Variants in TRPM3 observed in about 807,000 individuals in gnomAD.
The protein encoded by TRPM3 is transient receptor potential cation channel subfamily M member 3, also known as long transient receptor potential channel 3.
TRPM3 carries 77 observed loss-of-function variants against 181.2 expected under a neutral mutation model. The ratio of observed to expected loss-of-function variants is 0.42; its 90% CI spans 0.35 to 0.51. TRPM3 has a LOEUF of 0.51. Among genes scored for constraint, TRPM3 ranks in the 20% least tolerant of loss-of-function variants. TRPM3 has a pLI of 0.01. For synonymous variants in TRPM3, 745 were observed against 796.4 expected (o/e 0.94, Z 1.09); for missense variants, 1,759 against 2,196.7 (o/e 0.80, Z 3.98).
At chr9:71,320,161 C>A (rs1215806763) in intron 1 of TRPM3, among the ~76,000 whole-genome samples, 1 of 151,424 alleles carries the variant, frequency 6.6e-6, no homozygotes, top group African/African-American at 2.4e-5. Context: ...AAAAGAACAG[C>A]AATAGGGAGT....
At chr9:71,224,469 T>A (rs1468833704) in intron 1 of TRPM3, among the ~76,000 whole-genome samples, 1 of 152,148 alleles carries the variant, frequency 6.6e-6, no homozygotes, top group Non-Finnish European at 1.5e-5. Context: ...CTACAACAAG[T>A]ATCTAATTTT....
At position 70,968,453 on chromosome 9, in the gene TRPM3, C is replaced by G. The variant is rs182119647; in HGVS notation, c.178-103942G>C. Among the ~76,000 whole-genome samples, 34 of 152,210 alleles carry G rather than the reference C, an allele frequency of 2.2e-4. 1 individual carries two copies. The highest frequency in any genetic ancestry group is 7.5e-4 in the African/African-American group (31 of 41,540). On this transcript the variant is annotated intron_variant, in intron 1 of 25. Transcript: ENST00000677713. ...TGCAGATTCTCAGTTCATATCTGTC[C>G]CTGGAGTCTTACTCCACCAGCTTGT...
At chr9:70,797,731 A>G (rs1454049446) in intron 6 of TRPM3, among the ~76,000 whole-genome samples, 2 of 152,172 alleles carry the variant, frequency 1.3e-5, no homozygotes, top group Admixed American at 6.5e-5. Flanking sequence ...CACCCGGTGA[A>G]TTTGAAAAGA....
chr9:71,443,004 A>G (rs1250992525), intron 1 of TRPM3, among the ~76,000 whole-genome samples: 1 of 152,244 alleles, frequency 6.6e-6, no homozygotes, highest in Non-Finnish European at 1.5e-5. Flanking sequence ...AAACATTAAT[A>G]TCCAGAAACT....
intron 1 of TRPM3, among the ~76,000 whole-genome samples, chr9:71,294,523 A>C (rs1604855): frequency 6.6e-6 from 1 of 151,972 alleles, no homozygotes; most frequent in South Asian, 2.1e-4. Context: ...TGTACCACTG[A>C]AGGAAAATGT....
intron 5 of TRPM3, among the ~76,000 whole-genome samples, chr9:70,836,513 G>C (rs1431851303): frequency 6.6e-6 from 1 of 152,146 alleles, no homozygotes; most frequent in East Asian, 1.9e-4. Context: ...TATCCATCTT[G>C]ATGAAATGGA....
chr9:71,248,870 C>T (rs1410847157), intron 1 of TRPM3, among the ~76,000 whole-genome samples: 4 of 152,050 alleles, frequency 2.6e-5, no homozygotes, highest in African/African-American at 9.7e-5. Flanking sequence ...AGCTTTATGG[C>T]TCAAAACGTA....
chr9:70,923,882 A>G (rs2096689214), intron 1 of TRPM3, among the ~76,000 whole-genome samples: 1 of 149,298 alleles, frequency 6.7e-6, no homozygotes, highest in East Asian at 1.9e-4. Flanking sequence ...ATATATATAC[A>G]CACACACATA....
chr9:71,025,542 A>G lies in TRPM3; in HGVS notation c.177+95636T>C, dbSNP rs147924826. On this transcript the variant is annotated intron_variant, in intron 1 of 25. Coordinates refer to ENST00000677713, the MANE Select transcript of TRPM3 (RefSeq NM_001366145.2). ...CTAGGGAAAATACCATTTCTGTAAT[A>G]CCGTACATTTCTTATTAATAAAGAC... Among the ~76,000 whole-genome samples, 57 of 152,336 alleles carry G rather than the reference A, an allele frequency of 3.7e-4. 1 individual carries two copies. Among genetic ancestry groups the G allele is most frequent in the African/African-American group, 1.2e-3 (50 of 41,576 alleles).
At chr9:70,670,443 T>G (rs2062695594) in intron 9 of TRPM3, among the ~76,000 whole-genome samples, 1 of 152,222 alleles carries the variant, frequency 6.6e-6, no homozygotes, top group Non-Finnish European at 1.5e-5. Flanking sequence ...GTTATCTACT[T>G]TGGTCTGTTA....
intron 18 of TRPM3, among the ~76,000 whole-genome samples, 180 bp from the exon 19 acceptor site, chr9:70,610,929 C>A (rs2061907432): frequency 6.6e-6 from 1 of 152,166 alleles, no homozygotes. Flanking sequence ...TCTGTGAATA[C>A]CCTTTGCCTG....
chr9:71,035,484 A>C (rs2058069125), intron 1 of TRPM3, among the ~76,000 whole-genome samples: 1 of 152,212 alleles, frequency 6.6e-6, no homozygotes. Context: ...TGGGAGGCCA[A>C]GGCAGGCAGA....
intron 12 of TRPM3, among the ~76,000 whole-genome samples, chr9:70,626,650 C>A (rs538179664): frequency 3.9e-5 from 6 of 152,160 alleles, no homozygotes; most frequent in Non-Finnish European, 8.8e-5. Context: ...GATGCACACT[C>A]AAGTTTGTCA....
At chr9:71,441,085 C>T (rs1258537576) in intron 1 of TRPM3, among the ~76,000 whole-genome samples, 1 of 152,022 alleles carries the variant, frequency 6.6e-6, no homozygotes, top group Admixed American at 6.6e-5. Context: ...ATTCGTGGTC[C>T]TCAAATTAAA....
At chr9:70,666,774 A>G (rs1045014935) in intron 9 of TRPM3, among the ~76,000 whole-genome samples, 7 of 152,134 alleles carry the variant, frequency 4.6e-5, no homozygotes, top group South Asian at 2.1e-4. Flanking sequence ...CAACCTGAAA[A>G]TGTATGTTCT....
chr9:71,291,348 C>G (rs904919917), intron 1 of TRPM3, among the ~76,000 whole-genome samples: 64 of 152,200 alleles, frequency 4.2e-4, no homozygotes, highest in African/African-American at 1.4e-3. Context: ...TGATGTTAAC[C>G]TTTCTCCTTT....
At chr9:71,351,440 A>T (rs2132667256) in intron 1 of TRPM3, among the ~76,000 whole-genome samples, 1 of 152,382 alleles carries the variant, frequency 6.6e-6, no homozygotes, top group East Asian at 1.9e-4. Context: ...GGAAGGGGAC[A>T]GCTATAAATG....
intron 3 of TRPM3, among the ~76,000 whole-genome samples, chr9:70,855,314 T>A (rs2095358809): frequency 6.6e-6 from 1 of 152,086 alleles, no homozygotes; most frequent in African/African-American, 2.4e-5. Context: ...TAAGAAAAAA[T>A]AATAATAATC....
chr9:71,336,017 A>G (rs569420165), intron 1 of TRPM3, among the ~76,000 whole-genome samples: 1 of 152,104 alleles, frequency 6.6e-6, no homozygotes, highest in African/African-American at 2.4e-5. Flanking sequence ...CATTCAAAAC[A>G]AACTATTAGC....
Sources: gnomAD v4.1 joint callset for allele counts (sites outside exome capture counted in the v4.1 genomes callset) on GRCh38, gnomAD v4.1.1 for gene constraint, MANE v1.5 for transcripts, NCBI Gene and HGNC (gene_info 2026-07-23, HGNC 2026-07-21) for gene names.